Variants in AK5 observed in about 807,000 individuals in gnomAD.
AK5 encodes the protein adenylate kinase 5.
Under a neutral mutation model 69.5 loss-of-function variants are expected in AK5, and 27 were observed. The ratio of observed to expected loss-of-function variants is 0.39; its 90% confidence interval spans 0.29 to 0.54. The LOEUF is 0.54. AK5 is among the 20% of genes least tolerant of loss of function. AK5 has a pLI of 0.71. For synonymous variants in AK5, 260 were observed against 244.4 expected (o/e 1.06, Z -0.60); for missense variants, 531 against 700.4 (o/e 0.76, Z 2.73).
At chr1:77,352,720 C>T (rs1662275983) in intron 6 of AK5, among the ~76,000 whole-genome samples, 1 of 152,110 alleles carries the variant, frequency 6.6e-6, no homozygotes, top group African/African-American at 2.4e-5. Flanking sequence ...GAGATCCAAC[C>T]AGGGAACACC....
At chr1:77,502,664 T>C (rs1215884482) in intron 10 of AK5, among the ~76,000 whole-genome samples, 1 of 152,182 alleles carries the variant, frequency 6.6e-6, no homozygotes, top group Non-Finnish European at 1.5e-5. Flanking sequence ...AGGACCATGC[T>C]CACCAAAACA....
At chr1:77,391,938 C>T (rs925254753) in intron 6 of AK5, among the ~76,000 whole-genome samples, 3 of 151,868 alleles carry the variant, frequency 2.0e-5, no homozygotes, top group South Asian at 4.2e-4. Context: ...GCTTTGTTTT[C>T]CTTTTAAAAG....
At chr1:77,306,383 A>G (rs1464403494) in intron 5 of AK5, among the ~76,000 whole-genome samples, 1 of 151,626 alleles carries the variant, frequency 6.6e-6, no homozygotes, top group Non-Finnish European at 1.5e-5. Context: ...TATCATGTTG[A>G]TTGATTTATG....
intron 8 of AK5, among the ~76,000 whole-genome samples, chr1:77,474,919 C>G (rs562781896): frequency 6.6e-6 from 1 of 152,092 alleles, no homozygotes; most frequent in South Asian, 2.1e-4. Flanking sequence ...ATCCTCCCAC[C>G]TCAGTCTCCT....
At chr1:77,516,927 C>T (rs1657679886) in intron 10 of AK5, among the ~76,000 whole-genome samples, 2 of 151,940 alleles carry the variant, frequency 1.3e-5, no homozygotes, top group South Asian at 4.2e-4. Flanking sequence ...AAAAATTAGC[C>T]AGGCATGGTG....
intron 10 of AK5, among the ~76,000 whole-genome samples, chr1:77,491,487 C>A (rs2454329): frequency 0.94 from 142,340 of 151,972 alleles, 66,874 homozygotes; most frequent in East Asian, 1. Flanking sequence ...TTGTGTTTTT[C>A]GTAGAGACGG....
At chr1:77,368,307 A>ATATGT (rs1647054468) in intron 6 of AK5, among the ~76,000 whole-genome samples, 1 of 128,264 alleles carries the variant, frequency 7.8e-6, no homozygotes, top group African/African-American at 2.9e-5. Context: ...TATATAATAT[A>ATATGT]TATGTTATAT....
At chr1:77,430,782 A>T (rs140213246) in intron 8 of AK5, among the ~76,000 whole-genome samples, 2 of 152,318 alleles carry the variant, frequency 1.3e-5, no homozygotes, top group East Asian at 3.9e-4. Context: ...GGGAGTGCCA[A>T]ATGTGGCTGA....
At chr1:77,480,291 G>A (rs1261711217) in intron 8 of AK5, among the ~76,000 whole-genome samples, 3 of 152,204 alleles carry the variant, frequency 2.0e-5, no homozygotes, top group Non-Finnish European at 2.9e-5. Flanking sequence ...CATTCCTGGT[G>A]AGAGTTGATG....
At chr1:77,440,663 C>A (rs1652266582) in intron 8 of AK5, among the ~76,000 whole-genome samples, 2 of 151,998 alleles carry the variant, frequency 1.3e-5, no homozygotes, top group Admixed American at 1.3e-4. Flanking sequence ...TGTAGGCTGT[C>A]TTCAGTCTTT....
At chr1:77,318,716 C>T (rs1557491718) in intron 5 of AK5, among the ~76,000 whole-genome samples, 1 of 146,104 alleles carries the variant, frequency 6.8e-6, no homozygotes, top group East Asian at 2.0e-4. Context: ...TTCAGTGGGT[C>T]TTTTTTTTTT....
At chr1:77,388,840 C>T (rs557564891) in intron 6 of AK5, among the ~76,000 whole-genome samples, 13 of 151,930 alleles carry the variant, frequency 8.6e-5, no homozygotes, top group Non-Finnish European at 1.6e-4. Context: ...GCTCTTTTGA[C>T]GTGGTGACTG....
intron 8 of AK5, among the ~76,000 whole-genome samples, chr1:77,461,030 G>A (rs1299097599): frequency 6.8e-6 from 1 of 146,180 alleles, no homozygotes; most frequent in East Asian, 2.0e-4. Flanking sequence ...GCCTGTATGT[G>A]AAATTTTTTT....
intron 10 of AK5, among the ~76,000 whole-genome samples, chr1:77,490,574 A>G (rs1347659051): frequency 6.6e-6 from 1 of 152,228 alleles, no homozygotes; most frequent in Non-Finnish European, 1.5e-5. Flanking sequence ...GATGATCCAA[A>G]GGATTGAAAA....
chr1:77,296,271 T>C (rs17100241), intron 3 of AK5, among the ~76,000 whole-genome samples: 7,643 of 152,252 alleles, frequency 0.05, 230 homozygotes, highest in South Asian at 0.094. Flanking sequence ...CTCTCTCATG[T>C]TAACGTAATC....
intron 6 of AK5, among the ~76,000 whole-genome samples, chr1:77,391,870 G>A (rs961869758): frequency 6.6e-6 from 1 of 152,126 alleles, no homozygotes; most frequent in African/African-American, 2.4e-5. Context: ...TGAAATAAAT[G>A]GGGTGAAACA....
intron 1 of AK5, chr1:77,283,383 T>C (rs1279115280): frequency 2.0e-6 from 2 of 985,304 alleles, no homozygotes; most frequent in Non-Finnish European, 2.4e-6. Flanking sequence ...TCGTTCCCCA[T>C]TTCTGAAAAC....
intron 8 of AK5, among the ~76,000 whole-genome samples, chr1:77,425,197 A>G (rs1651117194): frequency 6.6e-6 from 1 of 152,248 alleles, no homozygotes; most frequent in Non-Finnish European, 1.5e-5. Context: ...ATGAAGGAGA[A>G]ATAGAGACTT....
At position 77,453,670 on chromosome 1, in the gene AK5, A is replaced by G. The variant is rs557139522; in HGVS notation, c.1060-29647A>G. Among the ~76,000 whole-genome samples, 3 of 152,322 alleles carry G rather than the reference A, an allele frequency of 2.0e-5. No individual in the cohort carries two copies. The South Asian group carries it at 6.2e-4, about 32-fold the overall frequency. On this transcript the variant is annotated intron_variant, in intron 8 of 13. Coordinates refer to ENST00000354567, the MANE Select transcript of AK5 (RefSeq NM_174858.3). ...GAAGGGACTGACTCTTGCCTCTACT[A>G]TATTTCTTCCTCTTCCAAATCTCTA...
Sources: gnomAD v4.1 joint callset for allele counts (sites outside exome capture counted in the v4.1 genomes callset) on GRCh38, gnomAD v4.1.1 for gene constraint, MANE v1.5 for transcripts, NCBI Gene and HGNC (gene_info 2026-07-23, HGNC 2026-07-21) for gene names.